Variants in USP10 observed in about 807,000 individuals in gnomAD.
The protein encoded by USP10 is ubiquitin carboxyl-terminal hydrolase 10.
A neutral mutation model predicts 84.5 loss-of-function variants in USP10; 22 were observed. The observed-to-expected ratio is 0.26, with a 90% CI of 0.19 to 0.37. USP10 has a LOEUF of 0.37. Ranked by LOEUF, USP10 falls within the 10% of genes least tolerant of loss-of-function variation. The probability of loss-of-function intolerance (pLI) is 1.00; values close to 1 mark genes in which losing one functional copy is unlikely to be tolerated. For missense variants in USP10, 1,019 were observed against 998.9 expected, an observed-to-expected ratio of 1.02 and a Z score of -0.27; for synonymous variants, 454 against 387.6, an observed-to-expected ratio of 1.17 and a Z score of -2.01.
chr16:84,740,041 C>T (rs1254726238), intron 2 of USP10, among the ~76,000 whole-genome samples: 1 of 152,178 alleles, frequency 6.6e-6, no homozygotes, highest in Non-Finnish European at 1.5e-5. Flanking sequence ...TTTACATGTC[C>T]ATTGGAGTTC....
At chr16:84,763,119 T>A (rs750422107) in intron 9 of USP10, 31 bp downstream of exon 9, 2 of 1,479,780 alleles carry the variant, frequency 1.4e-6, no homozygotes, top group South Asian at 2.3e-5. Flanking sequence ...CGCAGAGTTG[T>A]GCAAGAGTTC....
intron 2 of USP10, among the ~76,000 whole-genome samples, chr16:84,735,371 T>C (rs993118664): frequency 7.9e-5 from 12 of 152,072 alleles, no homozygotes; most frequent in Non-Finnish European, 1.5e-4. Flanking sequence ...TGCAAGTGAG[T>C]AGACAAAAAC....
At chr16:84,758,858 C>G in intron 5 of USP10, 51 bp downstream of exon 5, 3 of 1,342,514 alleles carry the variant, frequency 2.2e-6, no homozygotes, top group Non-Finnish European at 3.2e-6. Flanking sequence ...AGCTGTCCCT[C>G]CTTTGGGTGC....
intron 10 of USP10, among the ~76,000 whole-genome samples, chr16:84,766,824 C>G (rs886171872): frequency 1.3e-5 from 2 of 152,190 alleles, no homozygotes; most frequent in African/African-American, 4.8e-5. Context: ...GGAATTCTTA[C>G]AACGTAGGAA....
chr16:84,761,784 C>T (rs1282818552), intron 8 of USP10, among the ~76,000 whole-genome samples: 1 of 152,274 alleles, frequency 6.6e-6, no homozygotes, highest in Non-Finnish European at 1.5e-5. Flanking sequence ...CCGATGGGAA[C>T]CTTTCTGAAA....
intron 1 of USP10, among the ~76,000 whole-genome samples, chr16:84,714,862 T>C (rs1263734426): frequency 6.6e-6 from 1 of 151,388 alleles, no homozygotes; most frequent in Non-Finnish European, 1.5e-5. Flanking sequence ...AAAAGTAATA[T>C]CAAAAACAAG....
intron 4 of USP10, among the ~76,000 whole-genome samples, chr16:84,749,325 T>A (rs1404319236): frequency 2.0e-5 from 3 of 152,212 alleles, no homozygotes; most frequent in Admixed American, 6.5e-5. Flanking sequence ...AGTGAAAGTC[T>A]AGTTTCATTA....
chr16:84,710,180 G>C (rs1567588841), intron 1 of USP10, among the ~76,000 whole-genome samples: 1 of 151,160 alleles, frequency 6.6e-6, no homozygotes, highest in Non-Finnish European at 1.5e-5. Flanking sequence ...TTAGGCAAGA[G>C]AATCGCTTGA....
At chr16:84,743,924 A>G (rs1910911278) in intron 3 of USP10, among the ~76,000 whole-genome samples, 1 of 152,190 alleles carries the variant, frequency 6.6e-6, no homozygotes, top group Non-Finnish European at 1.5e-5. Flanking sequence ...TATTTAGAGG[A>G]CGTTTGCATG....
intron 4 of USP10, among the ~76,000 whole-genome samples, chr16:84,757,702 A>G (rs1196206431): frequency 1.3e-5 from 2 of 152,118 alleles, no homozygotes; most frequent in Non-Finnish European, 2.9e-5. Context: ...TATGATTAGT[A>G]TACAATTTAA....
intron 1 of USP10, among the ~76,000 whole-genome samples, chr16:84,731,234 C>G (rs1455764723): frequency 6.6e-6 from 1 of 151,598 alleles, no homozygotes; most frequent in Non-Finnish European, 1.5e-5. Context: ...CCACCTCGGC[C>G]TCCCAGAGTG....
intron 3 of USP10, among the ~76,000 whole-genome samples, chr16:84,742,341 A>T (rs369441184): frequency 6.6e-6 from 1 of 152,086 alleles, no homozygotes; most frequent in African/African-American, 2.4e-5. Flanking sequence ...ATCCAGAAGA[A>T]TCCTTTTTCT....
At chr16:84,742,358 A>C (rs985659491) in intron 3 of USP10, among the ~76,000 whole-genome samples, 1 of 152,138 alleles carries the variant, frequency 6.6e-6, no homozygotes, top group African/African-American at 2.4e-5. Flanking sequence ...TTCTAAAGCT[A>C]TTCACAGCTT....
intron 11 of USP10, among the ~76,000 whole-genome samples, chr16:84,768,919 G>A (rs1342858737): frequency 1.3e-5 from 2 of 152,188 alleles, no homozygotes; most frequent in Admixed American, 1.3e-4. Context: ...TCACATTATA[G>A]CTTGGTGGAG....
At chr16:84,751,322 A>G (rs1382654580) in intron 4 of USP10, among the ~76,000 whole-genome samples, 3 of 152,242 alleles carry the variant, frequency 2.0e-5, no homozygotes, top group Non-Finnish European at 4.4e-5. Flanking sequence ...ATGGCTGTGT[A>G]TCCTAAAACT....
chr16:84,736,030 T>C (rs1001960420), intron 2 of USP10, among the ~76,000 whole-genome samples: 6 of 148,384 alleles, frequency 4.0e-5, no homozygotes, highest in Non-Finnish European at 7.5e-5. Context: ...GGCGAGGGCG[T>C]GTCACTTGGA....
intron 1 of USP10, among the ~76,000 whole-genome samples, chr16:84,722,437 T>C (rs953639336): frequency 6.6e-6 from 1 of 152,262 alleles, no homozygotes; most frequent in Non-Finnish European, 1.5e-5. Flanking sequence ...GTGGGTAAAA[T>C]GTGGTAAGCG....
intron 4 of USP10, among the ~76,000 whole-genome samples, chr16:84,756,379 A>G (rs762159323): frequency 3.3e-5 from 5 of 151,970 alleles, no homozygotes; most frequent in Non-Finnish European, 5.9e-5. Context: ...GATCACTTGA[A>G]CTCAGGAGTT....
chr16:84,764,450 C>T (rs185110322), intron 10 of USP10, among the ~76,000 whole-genome samples, 187 bp downstream of exon 10: 1 of 152,188 alleles, frequency 6.6e-6, no homozygotes, highest in Non-Finnish European at 1.5e-5. Context: ...TTATTCTCTC[C>T]CTGCTGGCGC....
Sources: allele counts gnomAD v4.1 joint callset (sites outside exome capture counted in the v4.1 genomes callset), GRCh38; gene constraint gnomAD v4.1.1; transcripts MANE v1.5; gene names NCBI Gene and HGNC (gene_info 2026-07-23, HGNC 2026-07-21).